Variants in GLIS2 observed in about 807,000 individuals in gnomAD.
GLIS2 encodes the protein GLIS family zinc finger 2, also known as zinc finger protein GLIS2.
A neutral mutation model predicts 35.6 loss-of-function variants in GLIS2; 14 were observed. The ratio of observed to expected loss-of-function variants is 0.39; its 90% CI spans 0.26 to 0.61. The LOEUF is 0.61. Ranked by LOEUF, GLIS2 falls within the 20% of genes least tolerant of loss-of-function variation. GLIS2 has a pLI of 0.48. For missense variants in GLIS2, 675 were observed against 713.4 expected (o/e 0.95, Z 0.61); for synonymous variants, 368 against 325.1 (o/e 1.13, Z -1.42).
chr16:4,337,551 C>CCAT lies in GLIS2; in HGVS notation c.*28_*29insATC. On this transcript the variant is annotated 3_prime_UTR_variant, in exon 7 of 7. Coordinates refer to ENST00000433375, the MANE Select transcript of GLIS2 (RefSeq NM_032575.3). ...CCCATCCTGCGGACAGTTGTGGTGC[C>CCAT]CCCCCGGCAGCTCCCGGCACTGCCC... is the stretch of plus-strand genomic sequence containing the variant. 1 of 1,543,190 alleles carries CCAT rather than the reference C, an allele frequency of 6.5e-7. No homozygotes were observed. The highest frequency in any genetic ancestry group is 2.4e-5 in the East Asian group (1 of 41,806).
At chr16:4,318,034 T>C (rs1193846626) in intron 1 of GLIS2, among the ~76,000 whole-genome samples, 1 of 152,098 alleles carries the variant, frequency 6.6e-6, no homozygotes. Context: ...CCTGGCTCTC[T>C]ACACAGGGAC....
At chr16:4,324,714 G>A (rs1003469607) in intron 1 of GLIS2, 4 of 152,310 alleles carry the variant, frequency 2.6e-5, no homozygotes, top group South Asian at 2.1e-4. Context: ...CGTGCTGAAC[G>A]TTACGGACGA....
Position 4,332,818 on chromosome 16 carries a change from G to A in GLIS2, c.172+366G>A, listed in dbSNP as rs1461458666. On this transcript the variant is annotated intron_variant, in intron 2 of 6. Coordinates refer to ENST00000433375, the MANE Select transcript of GLIS2 (RefSeq NM_032575.3). This position sits in a 1 kb window ranked among gnomAD's most constrained non-coding sequence, Gnocchi z 5.4. ...TAGAGGCTGGGTCTGAGCCCAGGAGGTGCCTCTCAGGGATTCCCGGTGCTT... is the reference window on the plus strand; with the variant it reads ...TAGAGGCTGGGTCTGAGCCCAGGAGATGCCTCTCAGGGATTCCCGGTGCTT... 1.3e-5 allele frequency among the ~76,000 whole-genome samples: 2 copies of A among 152,200 alleles called. No individual in the cohort carries two copies. Among genetic ancestry groups the A allele is most frequent in the Non-Finnish European group, 1.5e-5 (1 of 68,040 alleles).
At position 4,337,892 on chromosome 16, in the gene GLIS2, AG is replaced by A. The variant is rs2053575722; in HGVS notation, c.*373del. ...ATGGCAAGTTGCCCTCTCCCAGCAGAGGGGGTGGGTGGGGTGGCATCTGCCC... is the reference window on the plus strand; with the variant it reads ...ATGGCAAGTTGCCCTCTCCCAGCAGAGGGGTGGGTGGGGTGGCATCTGCCC... On this transcript the variant is annotated 3_prime_UTR_variant, in exon 7 of 7. Coordinates refer to ENST00000433375, the MANE Select transcript of GLIS2 (RefSeq NM_032575.3). 1 of 379,392 alleles carries A rather than the reference AG, an allele frequency of 2.6e-6. No individual in the cohort carries two copies. Among genetic ancestry groups the A allele is most frequent in the Non-Finnish European group, 5.0e-6 (1 of 201,618 alleles). The allele number at this position is 379,392 out of a possible 1,614,324, so 23.5% of individuals were successfully genotyped here. A position where few individuals can be genotyped will look rare whatever the true frequency, so the allele number is the denominator to read the frequency against.
At chr16:4,333,135 C>T (rs1172087994) in intron 2 of GLIS2, among the ~76,000 whole-genome samples, 3 of 152,168 alleles carry the variant, frequency 2.0e-5, no homozygotes, top group Non-Finnish European at 4.4e-5. Context: ...CTCCCCGGCT[C>T]ACGGGGGCCA....
At chr16:4,325,461 C>T (rs947097270) in intron 1 of GLIS2, 4 of 152,316 alleles carry the variant, frequency 2.6e-5, no homozygotes, top group Non-Finnish European at 4.4e-5. Context: ...GGTTTGCCAC[C>T]TACTTGTGCA....
At chr16:4,326,989 G>A (rs550657766) in intron 1 of GLIS2, among the ~76,000 whole-genome samples, 5 of 152,298 alleles carry the variant, frequency 3.3e-5, no homozygotes, top group African/African-American at 1.2e-4. Flanking sequence ...TGGAACTCCT[G>A]ACCTCAGGTG....
Position 4,335,384 on chromosome 16 carries a change from T to TCGCACACAGGTAAGAGG in GLIS2, c.768_775+9dup. On this transcript the variant is annotated frameshift_variant, in exon 6 of 7. Coordinates refer to ENST00000433375, the MANE Select transcript of GLIS2 (RefSeq NM_032575.3). LOFTEE classifies it high-confidence loss of function. This position sits in a 1 kb window ranked among gnomAD's most constrained non-coding sequence, Gnocchi z 4.6. ...GGAGAACCTGAAGATCCACAACCGG[T>TCGCACACAGGTAAGAGG]CGCACACAGGTAAGAGGCCGGGGCC... is the stretch of plus-strand genomic sequence containing the variant. 1.2e-6 allele frequency: 2 copies of TCGCACACAGGTAAGAGG among 1,613,478 alleles called. No individual in the cohort carries two copies. Among genetic ancestry groups the TCGCACACAGGTAAGAGG allele is most frequent in the Non-Finnish European group, 8.5e-7 (1 of 1,179,974 alleles).
At position 4,335,422 on chromosome 16, in the gene GLIS2, C is replaced by A. The variant is rs2053540134; in HGVS notation, c.775+29C>A. 1 of 1,604,814 alleles carries A rather than the reference C, an allele frequency of 6.2e-7. No homozygotes were observed. On this transcript the variant is annotated intron_variant, in intron 6 of 6. Coordinates refer to ENST00000433375, the MANE Select transcript of GLIS2 (RefSeq NM_032575.3). This position sits in a 1 kb window ranked among gnomAD's most constrained non-coding sequence, Gnocchi z 4.6. ...AGAGGCCGGGGCCGGGCGGCTTGGC[C>A]CATGAAGGGGGCGCTCAGCTGAGAC...
Position 4,332,300 on chromosome 16 carries a change from C to T in GLIS2, c.20C>T (p.Pro7Leu). The T allele has an allele frequency of 6.2e-6, 10 of 1,612,994 alleles. No homozygotes were observed. The highest frequency in any genetic ancestry group is 1.6e-4 in the Middle Eastern group (1 of 6,062). ...CTCACCATGCACTCCCTGGACGAGCCGCTCGACCTGAAGCTGAGTATCACC... is the reference window on the plus strand; with the variant it reads ...CTCACCATGCACTCCCTGGACGAGCTGCTCGACCTGAAGCTGAGTATCACC... MHSLDE[P>L]LDLKLSITKL... The change falls in exon 2 of 7, where the codon CCG (proline) becomes CTG (leucine). Residue 7 changes from proline (P) to leucine (L), a missense_variant. By Grantham distance (98) the Pro-to-Leu change is moderately conservative. This residue lies in a region of GLIS2 where 225 missense variants were observed against 238.7 expected (regional missense o/e 0.94). Coordinates refer to ENST00000433375, the MANE Select transcript of GLIS2 (RefSeq NM_032575.3). This position sits in a 1 kb window ranked among gnomAD's most constrained non-coding sequence, Gnocchi z 5.4.
chr16:4,328,351 C>T (rs2053460506), intron 1 of GLIS2: 1 of 152,368 alleles, frequency 6.6e-6, no homozygotes, highest in South Asian at 2.1e-4. Flanking sequence ...CTGCCCCCTT[C>T]ACCCAGCCGG....
chr16:4,332,510 A>G lies in GLIS2; in HGVS notation c.172+58A>G. 6.3e-7 allele frequency: 1 copy of G among 1,574,866 alleles called. No individual in the cohort carries two copies. Among genetic ancestry groups the G allele is most frequent in the Non-Finnish European group, 8.6e-7 (1 of 1,160,082 alleles). ...CCCTGATCCAGTCATGGTGACAGGGAGAATGGCCAAGTGTGTCCACCAGCA... is the reference window on the plus strand; with the variant it reads ...CCCTGATCCAGTCATGGTGACAGGGGGAATGGCCAAGTGTGTCCACCAGCA... On this transcript the variant is annotated intron_variant, in intron 2 of 6. Coordinates refer to ENST00000433375, the MANE Select transcript of GLIS2 (RefSeq NM_032575.3). The surrounding 1 kb of genome is among the most constrained non-coding windows in gnomAD (Gnocchi z 5.4).
rs200369676 is a variant in GLIS2 at position 4,333,452 on chromosome 16, A to G, written c.278A>G (p.Asn93Ser). The change falls in exon 3 of 7, where the codon AAT becomes AGT. Residue 93 changes from asparagine (N) to serine (S), a missense_variant. Around this residue, in one of 3 missense-constraint regions of GLIS2, gnomAD observed 225 missense variants for 238.7 expected, o/e 0.94. Coordinates refer to ENST00000433375, the MANE Select transcript of GLIS2 (RefSeq NM_032575.3). Reference sequence around the variant, plus strand: ...CCACCATCTGGGCTGGACTCCCCCAATGGCAGCAGCTCGCTGTCCCCCGAG... The same window carrying G: ...CCACCATCTGGGCTGGACTCCCCCAGTGGCAGCAGCTCGCTGTCCCCCGAG... ...LSPPSGLDSPNGSSSLSPERQ... is the reference protein window; with the variant it reads ...LSPPSGLDSPSGSSSLSPERQ... 108 of 1,612,832 alleles carry G rather than the reference A, an allele frequency of 6.7e-5. No individual in the cohort carries two copies. The highest frequency in any genetic ancestry group is 8.9e-5 in the East Asian group (4 of 44,878).
intron 1 of GLIS2, among the ~76,000 whole-genome samples, chr16:4,318,356 G>T (rs2053337713): frequency 6.6e-6 from 1 of 152,194 alleles, no homozygotes; most frequent in Non-Finnish European, 1.5e-5. Context: ...CCTGGGTGGA[G>T]GGGGGTCAGG....
chr16:4,336,527 A>C (rs1419271768), intron 6 of GLIS2, 198 bp from the exon 7 acceptor site: 2 of 669,854 alleles, frequency 3.0e-6, no homozygotes, highest in East Asian at 5.4e-5. Context: ...GCTGGAGTCA[A>C]CCAGGCTGAG....
At chr16:4,325,635 A>G (rs1014902667) in intron 1 of GLIS2, among the ~76,000 whole-genome samples, 2 of 152,152 alleles carry the variant, frequency 1.3e-5, no homozygotes, top group Non-Finnish European at 2.9e-5. Context: ...CTGTTAAATT[A>G]GAAGATGACG....
chr16:4,325,690 G>A (rs1013177474), intron 1 of GLIS2, among the ~76,000 whole-genome samples: 12 of 152,068 alleles, frequency 7.9e-5, no homozygotes, highest in African/African-American at 2.9e-4. Context: ...CACTTTGGGA[G>A]GCAGAGACAG....
Position 4,332,374 on chromosome 16 carries a change from C to G in GLIS2, c.94C>G (p.Arg32Gly). The G allele has an allele frequency of 6.2e-7, 1 of 1,612,996 alleles. No homozygotes were observed. The highest frequency in any genetic ancestry group is 8.5e-7 in the Non-Finnish European group (1 of 1,180,002). Residue 32 changes from arginine to glycine, a missense_variant, in exon 2 of 7, where the codon CGG becomes GGG. Coordinates refer to ENST00000433375, the MANE Select transcript of GLIS2 (RefSeq NM_032575.3). The surrounding 1 kb of genome is among the most constrained non-coding windows in gnomAD (Gnocchi z 5.4). ...GCGGGAGAGGACGCTGGGTGTGGTC[C>G]GGCCCCGTGCTCTGCACAGGGAGCT... The part of the protein sequence containing the change: ...EKRERTLGVV[R>G]PRALHRELGL...
chr16:4,330,587 G>C (rs2053487789), intron 1 of GLIS2, among the ~76,000 whole-genome samples: 1 of 152,250 alleles, frequency 6.6e-6, no homozygotes, highest in Non-Finnish European at 1.5e-5. Flanking sequence ...CGGTTTGCCT[G>C]GTGCGAGTTC....
Sources: gnomAD v4.1 joint callset for allele counts (sites outside exome capture counted in the v4.1 genomes callset) on GRCh38, gnomAD v4.1.1 for gene constraint, gnomAD v4.1.1 regional missense constraint, Gnocchi (gnomAD v3.1) non-coding constraint, MANE v1.5 for transcripts, NCBI Gene and HGNC (gene_info 2026-07-23, HGNC 2026-07-21) for gene names.